TRPC6: variants seen among roughly 807,000 people sequenced by gnomAD.
TRPC6 encodes the protein short transient receptor potential channel 6.
TRPC6 carries 55 observed loss-of-function variants against 90.7 expected under a neutral mutation model. The ratio of observed to expected loss-of-function variants is 0.61; its 90% CI spans 0.49 to 0.76. The LOEUF (loss-of-function observed/expected upper bound fraction) is 0.76, where lower values mean the gene tolerates loss of function less well. TRPC6 is among the 30% of genes least tolerant of loss of function. The pLI is 0.00. For synonymous variants in TRPC6, 393 were observed against 393.0 expected (o/e 1.00, Z 0.00); for missense variants, 989 against 1,122.7 (o/e 0.88, Z 1.70).
intron 1 of TRPC6, among the ~76,000 whole-genome samples, chr11:101,527,239 G>A (rs552246550): frequency 1.1e-4 from 17 of 152,188 alleles, no homozygotes; most frequent in African/African-American, 3.9e-4. Flanking sequence ...GGTTTGACAA[G>A]GCTCTGTTGA....
chr11:101,560,298 TA>T (rs531212216), intron 1 of TRPC6, among the ~76,000 whole-genome samples: 62 of 147,600 alleles, frequency 4.2e-4, no homozygotes, highest in Middle Eastern at 3.4e-3. Context: ...GGCTTCTCTT[TA>T]AAAAAAAAAA....
chr11:101,502,293 C>T (rs1029680829), intron 2 of TRPC6, among the ~76,000 whole-genome samples: 1 of 152,116 alleles, frequency 6.6e-6, no homozygotes, highest in Non-Finnish European at 1.5e-5. Context: ...AAGGTCATGC[C>T]TAATATGATA....
intron 1 of TRPC6, among the ~76,000 whole-genome samples, chr11:101,532,680 C>A (rs112732747): frequency 1.3e-4 from 20 of 152,222 alleles, no homozygotes; most frequent in African/African-American, 4.6e-4. Flanking sequence ...CATTGTTTTG[C>A]TGGTGAAATT....
intron 10 of TRPC6, among the ~76,000 whole-genome samples, chr11:101,464,588 T>C (rs1214736979): frequency 1.3e-5 from 2 of 152,238 alleles, no homozygotes; most frequent in Non-Finnish European, 2.9e-5. Context: ...AAGTCTGCTT[T>C]ATCAGAGACT....
rs1202651542 is a variant in TRPC6 at position 101,504,784 on chromosome 11, T to C, written c.185A>G (p.Asn62Ser). 3 of 1,611,722 alleles carry C rather than the reference T, an allele frequency of 1.9e-6. No homozygotes were observed. In the South Asian group the frequency reaches 3.3e-5, roughly 18 times the overall value. Reference protein sequence around the residue: ...GYYPCFRGSDNRLAHRRQTVL... With the variant: ...GYYPCFRGSDSRLAHRRQTVL... The stretch of plus-strand genomic sequence containing the variant: ...TGTCTGCCGCCGGTGAGCCAGTCTG[T>C]TGTCAGATCCCCGGCTGCAATAAAA... The change falls in exon 2 of 13, where the codon AAC becomes AGC. Residue 62 changes from asparagine (N) to serine (S), a missense_variant. Coordinates refer to ENST00000344327, the MANE Select transcript of TRPC6 (RefSeq NM_004621.6).
chr11:101,472,072 T>G, intron 8 of TRPC6, 65 bp downstream of exon 8: 6 of 1,486,850 alleles, frequency 4.0e-6, no homozygotes, highest in South Asian at 1.1e-5. Context: ...TCCCCATTGC[T>G]GAGTTAGCCC....
intron 1 of TRPC6, among the ~76,000 whole-genome samples, chr11:101,548,226 T>C (rs1297009153): frequency 7.0e-6 from 1 of 142,366 alleles, no homozygotes; most frequent in Non-Finnish European, 1.5e-5. Context: ...TCATTTAATC[T>C]TCCCAACAGC....
intron 10 of TRPC6, among the ~76,000 whole-genome samples, chr11:101,462,053 A>G (rs1471313905): frequency 6.6e-6 from 1 of 152,176 alleles, no homozygotes; most frequent in Non-Finnish European, 1.5e-5. Flanking sequence ...CAGTTTTCCC[A>G]TCACCATTAA....
At chr11:101,579,381 T>C (rs909143219) in intron 1 of TRPC6, among the ~76,000 whole-genome samples, 6 of 152,304 alleles carry the variant, frequency 3.9e-5, no homozygotes, top group African/African-American at 1.4e-4. Context: ...CTCAACTTTT[T>C]AAAAAATCCA....
intron 1 of TRPC6, among the ~76,000 whole-genome samples, chr11:101,582,286 C>T (rs1191428874): frequency 6.6e-6 from 1 of 152,158 alleles, no homozygotes; most frequent in Non-Finnish European, 1.5e-5. Context: ...GCAGCCCTGA[C>T]ACAGCACCCA....
chr11:101,551,886 C>T (rs1861458300), intron 1 of TRPC6, among the ~76,000 whole-genome samples: 1 of 152,086 alleles, frequency 6.6e-6, no homozygotes, highest in African/African-American at 2.4e-5. Context: ...CTCAGAGATC[C>T]TTTCTGTAAC....
rs12805398 is a variant in TRPC6, at chr11:101,453,039, C to T, written c.2712G>A (p.Gln904=). The T allele has an allele frequency of 0.12, 192,398 of 1,613,612 alleles. 12,329 individuals are homozygous for T. Among genetic ancestry groups the T allele is most frequent in the Middle Eastern group, 0.15 (913 of 6,058 alleles). Residue 904 remains glutamine (Q), a synonymous_variant, in exon 13 of 13, where the codon CAG becomes CAA. Transcript: ENST00000344327. ...TAAGTTCTGCTAGGTCTTCTGTATT[C>T]TGAGATTTTTCTTCAAGGAGTTCAT... ...LRYELLEEKS[Q]NTEDLAELIR...
chr11:101,469,398 T>G (rs1280173630), intron 10 of TRPC6, 29 bp downstream of exon 10: 1 of 755,432 alleles, frequency 1.3e-6, no homozygotes, highest in African/African-American at 1.7e-5. Flanking sequence ...ATCATGTGCA[T>G]GACTTCATAT....
At chr11:101,554,316 G>C (rs1158728860) in intron 1 of TRPC6, among the ~76,000 whole-genome samples, 1 of 151,806 alleles carries the variant, frequency 6.6e-6, no homozygotes, top group African/African-American at 2.4e-5. Flanking sequence ...ACAAAAGAAA[G>C]TTTTAGATTT....
chr11:101,528,864 A>G (rs1180640104), intron 1 of TRPC6, among the ~76,000 whole-genome samples: 1 of 152,130 alleles, frequency 6.6e-6, no homozygotes, highest in Non-Finnish European at 1.5e-5. Context: ...ATAATCTGTA[A>G]AAAATACTAC....
In TRPC6 at chr11:101,504,450, A is replaced by G. The variant is rs1860207084; in HGVS notation, c.519T>C (p.Tyr173=). 6.2e-7 allele frequency: 1 copy of G among 1,614,008 alleles called. No homozygotes were observed. The highest frequency in any genetic ancestry group is 1.3e-5 in the African/African-American group (1 of 74,918). ...TGAGAATTGCTTCCACAATCCGAAC[A>G]TAACCTTTACTAATAGCTAGAAGCA... ...DALLLAISKG[Y]VRIVEAILSH... Residue 173 remains tyrosine (Y), a synonymous_variant, in exon 2 of 13, where the codon TAT becomes TAC. Coordinates refer to ENST00000344327, the MANE Select transcript of TRPC6 (RefSeq NM_004621.6).
At chr11:101,539,598 G>C (rs1394725454) in intron 1 of TRPC6, among the ~76,000 whole-genome samples, 1 of 152,124 alleles carries the variant, frequency 6.6e-6, no homozygotes. Context: ...TACCTTGGCT[G>C]TTTATATGAG....
At chr11:101,539,719 T>A (rs912798517) in intron 1 of TRPC6, among the ~76,000 whole-genome samples, 1 of 152,222 alleles carries the variant, frequency 6.6e-6, no homozygotes, top group African/African-American at 2.4e-5. Flanking sequence ...ATAAATATTA[T>A]TATTAAAACA....
At chr11:101,579,396 C>T (rs1398231423) in intron 1 of TRPC6, among the ~76,000 whole-genome samples, 1 of 152,134 alleles carries the variant, frequency 6.6e-6, no homozygotes, top group East Asian at 1.9e-4. Flanking sequence ...AATCCACTAA[C>T]TACTGCATGT....
Sources: allele counts gnomAD v4.1 joint callset (sites outside exome capture counted in the v4.1 genomes callset), GRCh38; gene constraint gnomAD v4.1.1; transcripts MANE v1.5; gene names NCBI Gene and HGNC (gene_info 2026-07-23, HGNC 2026-07-21).